APOBEC3G: variants seen among roughly 807,000 people sequenced by gnomAD.
The protein encoded by APOBEC3G is apolipoprotein B mRNA editing enzyme catalytic subunit 3G, also known as DNA dC->dU-editing enzyme APOBEC-3G.
In APOBEC3G, 44 loss-of-function variants were observed where a neutral mutation model predicts 50.0. The ratio of observed to expected loss-of-function variants is 0.88; its 90% CI spans 0.69 to 1.13. The LOEUF (loss-of-function observed/expected upper bound fraction) is 1.13. Ranked by LOEUF, APOBEC3G falls within the 50% of genes most tolerant of loss-of-function variation. APOBEC3G has a pLI of 0.00. For synonymous variants in APOBEC3G, 156 were observed against 175.3 expected, an observed-to-expected ratio of 0.89 and a Z score of 0.87; for missense variants, 469 against 492.0, an observed-to-expected ratio of 0.95 and a Z score of 0.44.
intron 4 of APOBEC3G, chr22:39,082,317 C>A (rs1361838237): frequency 2.0e-5 from 3 of 152,316 alleles, no homozygotes; most frequent in African/African-American, 7.2e-5. Context: ...TTAAGTTAAT[C>A]ATCTGATGAA....
chr22:39,081,450 G>A (rs34913053), intron 3 of APOBEC3G, 21 bp from the exon 4 acceptor site: 74 of 1,611,064 alleles, frequency 4.6e-5, no homozygotes, highest in Admixed American at 1.3e-4. Flanking sequence ...GCTTGACTGC[G>A]TTCTCTCTTC....
chr22:39,077,317 C>G lies in APOBEC3G; in HGVS notation c.-45C>G. 6.4e-7 allele frequency: 1 copy of G among 1,560,870 alleles called. No individual in the cohort carries two copies. Among genetic ancestry groups the G allele is most frequent in the Non-Finnish European group, 8.7e-7 (1 of 1,151,592 alleles). On this transcript the variant is annotated 5_prime_UTR_variant, in exon 1 of 8. Transcript: ENST00000407997. ...GAAGCTTGGAGCAGAAAGTGAAACC[C>G]TGGTGCTCCAGACAAAGATCTTAGT...
At chr22:39,080,155 G>C (rs1826256216) in intron 2 of APOBEC3G, 1 of 540,274 alleles carries the variant, frequency 1.9e-6, no homozygotes, top group African/African-American at 2.1e-5. Flanking sequence ...CCCCGACATG[G>C]ACAGTGCAGG....
upstream of APOBEC3G, chr22:39,077,194 T>C: frequency 1.8e-6 from 2 of 1,108,512 alleles, no homozygotes; most frequent in Non-Finnish European, 2.6e-6. Flanking sequence ...AGATAAAGCG[T>C]CCCAGGGCCT....
chr22:39,081,590 G>A lies in APOBEC3G; in HGVS notation c.581+5G>A, dbSNP rs551124024. 5 of 1,610,048 alleles carry A rather than the reference G, an allele frequency of 3.1e-6. No individual in the cohort carries two copies. The East Asian group carries it at 1.1e-4, about 36-fold the overall frequency. On this transcript the variant is annotated splice_donor_5th_base_variant and intron_variant, in intron 4 of 7. Transcript: ENST00000407997. ...CATGCTGGGGGAGATTCTCAGGTGA[G>A]GGTCTCCCTCCAGGCTCATCGCCTC... is the stretch of plus-strand genomic sequence containing the variant.
chr22:39,083,026 C>T (rs924624255), intron 4 of APOBEC3G: 1 of 152,286 alleles, frequency 6.6e-6, no homozygotes, highest in African/African-American at 2.4e-5. Flanking sequence ...TGTGGCTTCC[C>T]CAGCCAGAAT....
intron 5 of APOBEC3G, among the ~76,000 whole-genome samples, chr22:39,085,718 C>G (rs1403894603): frequency 6.6e-6 from 1 of 151,272 alleles, no homozygotes; most frequent in African/African-American, 2.4e-5. Flanking sequence ...GAAACCCCGT[C>G]TCTACTGAAA....
rs1325849561 is a variant in APOBEC3G at position 39,087,105 on chromosome 22, G to A, written c.1119G>A (p.Gly373=). ...GLDEHSQDLS[G]RLRAILQNQE... is the part of the protein sequence containing the mutation. ...ATGAGCACAGCCAAGACCTGAGTGG[G>A]AGGCTGCGGGCCATTCTCCAGGTGA... is the stretch of plus-strand genomic sequence containing the variant. The change falls in exon 7 of 8, where the codon GGG becomes GGA. Residue 373 remains glycine (G), a synonymous_variant. Coordinates refer to ENST00000407997, the MANE Select transcript of APOBEC3G (RefSeq NM_021822.4). The A allele has an allele frequency of 1.9e-6, 3 of 1,613,948 alleles. No individual in the cohort carries two copies. Among genetic ancestry groups the A allele is most frequent in the East Asian group, 2.2e-5 (1 of 44,872 alleles).
chr22:39,077,782 G>C (rs1357949015), intron 1 of APOBEC3G, among the ~76,000 whole-genome samples: 6 of 152,190 alleles, frequency 3.9e-5, no homozygotes, highest in East Asian at 3.8e-4. Flanking sequence ...TTTTCTGTAA[G>C]ATTTACTTTG....
Position 39,087,095 on chromosome 22 carries a change from A to C in APOBEC3G, c.1109A>C (p.Asp370Ala), listed in dbSNP as rs369306100. ...GATGGACTAGATGAGCACAGCCAAG[A>C]CCTGAGTGGGAGGCTGCGGGCCATT... ...PWDGLDEHSQ[D>A]LSGRLRAILQ... is the part of the protein sequence containing the mutation. Residue 370 changes from aspartate to alanine, a missense_variant, in exon 7 of 8, where the codon GAC becomes GCC. Physicochemically the swap from Asp to Ala is moderately radical, Grantham distance 126. Transcript: ENST00000407997. The C allele has an allele frequency of 5.8e-5, 94 of 1,613,744 alleles. No homozygotes were observed. The highest frequency in any genetic ancestry group is 8.9e-5 in the East Asian group (4 of 44,858).
rs1419945226 is a variant in APOBEC3G at position 39,078,847 on chromosome 22, CA to C, written c.18-84del. 40 of 1,565,534 alleles carry C rather than the reference CA, an allele frequency of 2.6e-5. No homozygotes were observed. In the East Asian group the frequency reaches 7.0e-4, roughly 27 times the overall value. ...GGGATGGGGGAGGCCTAGAGCCGTC[CA>C]GGGGGCTGTGTTTAGTGGACATCAG... On this transcript the variant is annotated intron_variant, in intron 1 of 7. Coordinates refer to ENST00000407997, the MANE Select transcript of APOBEC3G (RefSeq NM_021822.4).
At chr22:39,081,263 T>C (rs760737670) in intron 3 of APOBEC3G, 36 bp downstream of exon 3, 1 of 1,601,788 alleles carries the variant, frequency 6.2e-7, no homozygotes, top group East Asian at 2.2e-5. Context: ...TGGGAGAGAC[T>C]GCTTAAGTGT....
intron 6 of APOBEC3G, 144 bp downstream of exon 6, chr22:39,086,711 C>T: frequency 8.0e-7 from 1 of 1,254,510 alleles, no homozygotes; most frequent in Non-Finnish European, 1.1e-6. Flanking sequence ...CACTCTGGAC[C>T]TGACTTTGGG....
Position 39,080,945 on chromosome 22 carries a change from C to G in APOBEC3G, c.184C>G (p.Leu62Val). The change falls in exon 3 of 8, where the codon CTT (leucine) becomes GTT (valine). Residue 62 changes from leucine (L) to valine (V), a missense_variant. Coordinates refer to ENST00000407997, the MANE Select transcript of APOBEC3G (RefSeq NM_021822.4). ...KIFRGQVYSE[L>V]KYHPEMRFFH... is the part of the protein sequence containing the mutation. The stretch of plus-strand genomic sequence containing the variant: ...GCTCCTCTCCCAGGTGTATTCCGAA[C>G]TTAAGTACCACCCAGAGATGAGATT... 2 of 1,602,360 alleles carry G rather than the reference C, an allele frequency of 1.2e-6. No homozygotes were observed. Among genetic ancestry groups the G allele is most frequent in the Non-Finnish European group, 1.7e-6 (2 of 1,172,892 alleles).
chr22:39,080,850 C>G (rs1928405388), intron 2 of APOBEC3G, 83 bp from the exon 3 acceptor site: 1 of 1,212,370 alleles, frequency 8.2e-7, no homozygotes, highest in Admixed American at 2.3e-5. Flanking sequence ...GACTCCTGTC[C>G]TGGCCCCTCC....
intron 7 of APOBEC3G, 122 bp downstream of exon 7, chr22:39,087,248 G>C: frequency 6.3e-7 from 1 of 1,599,488 alleles, no homozygotes; most frequent in South Asian, 1.1e-5. Flanking sequence ...CAGGGCACCT[G>C]TCTCTGTCCC....
chr22:39,077,867 A>C (rs1569081706), intron 1 of APOBEC3G, among the ~76,000 whole-genome samples: 1 of 152,180 alleles, frequency 6.6e-6, no homozygotes, highest in Non-Finnish European at 1.5e-5. Context: ...ATGTCTTCCA[A>C]GGATGTCTCC....
chr22:39,080,717 G>T lies in APOBEC3G; in HGVS notation c.172-216G>T, dbSNP rs1309131181. 18 of 564,140 alleles carry T rather than the reference G, an allele frequency of 3.2e-5. 1 individual carries two copies. In the East Asian group the frequency reaches 5.0e-4, roughly 16 times the overall value. 34.9% of individuals were successfully genotyped at this position (564,140 alleles called of 1,614,324 possible). A position where few individuals can be genotyped will look rare whatever the true frequency, so the allele number is the denominator to read the frequency against. On this transcript the variant is annotated intron_variant, in intron 2 of 7. Transcript: ENST00000407997. ...AGTTCCCACAGCCTCATAGCTGCTT[G>T]TAGGTGCCACCTCTTAAGGCCATTA...
intron 1 of APOBEC3G, chr22:39,078,529 T>C (rs1016115661): frequency 6.0e-6 from 1 of 167,112 alleles, no homozygotes; most frequent in Non-Finnish European, 1.3e-5. Flanking sequence ...GAATGGCCCC[T>C]GCCAGCCTAG....
Sources: gnomAD v4.1 joint callset for allele counts (sites outside exome capture counted in the v4.1 genomes callset) on GRCh38, gnomAD v4.1.1 for gene constraint, MANE v1.5 for transcripts, NCBI Gene and HGNC (gene_info 2026-07-23, HGNC 2026-07-21) for gene names.